The following SOBP variants were observed in gnomAD, a reference collection of about 807,000 sequenced individuals.
SOBP encodes the protein sine oculis binding protein homolog.
Under a neutral mutation model 53.6 loss-of-function variants are expected in SOBP, and 4 were observed. That is an observed-to-expected ratio of 0.07 (90% CI 0.04 to 0.17). The LOEUF (loss-of-function observed/expected upper bound fraction) is 0.17. Ranked by LOEUF, SOBP falls within the 10% of genes least tolerant of loss-of-function variation. SOBP has a pLI of 1.00. For synonymous variants in SOBP, 584 were observed against 522.6 expected, an observed-to-expected ratio of 1.12 and a Z score of -1.60; for missense variants, 1,088 against 1,204.7, an observed-to-expected ratio of 0.90 and a Z score of 1.43.
chr6:107,600,482 A>G (rs550972563), intron 5 of SOBP, among the ~76,000 whole-genome samples: 24 of 152,292 alleles, frequency 1.6e-4, no homozygotes, highest in African/African-American at 5.8e-4. Flanking sequence ...ATGCAAAGTT[A>G]TGTTTAGATT....
chr6:107,660,356 C>T lies in SOBP; in HGVS notation c.*2153C>T, dbSNP rs113144986. Among the ~76,000 whole-genome samples the T allele has an allele frequency of 4.7e-3, 710 of 152,302 alleles. 6 individuals are homozygous for T. The highest frequency in any genetic ancestry group is 0.017 in the African/African-American group (693 of 41,554). Reference sequence around the variant, plus strand: ...CTTGTCTGCAGACAAGAGCCCACTCCGTCCGTTCCAGGGCCTGCTTCCTAA... The same window carrying T: ...CTTGTCTGCAGACAAGAGCCCACTCTGTCCGTTCCAGGGCCTGCTTCCTAA... On this transcript the variant is annotated 3_prime_UTR_variant, in exon 7 of 7. Transcript: ENST00000317357.
intron 4 of SOBP, among the ~76,000 whole-genome samples, chr6:107,555,359 C>A (rs993958909): frequency 1.3e-5 from 2 of 152,144 alleles, no homozygotes; most frequent in Non-Finnish European, 2.9e-5. Flanking sequence ...TTCCACTGTC[C>A]CTTTATTGCA....
intron 3 of SOBP, among the ~76,000 whole-genome samples, chr6:107,508,562 G>C (rs112970532): frequency 0.023 from 3,460 of 152,002 alleles, 151 homozygotes; most frequent in African/African-American, 0.079. Context: ...CTGGGTGACA[G>C]AGTGAGACTC....
At chr6:107,579,489 C>T (rs1455636283) in intron 4 of SOBP, among the ~76,000 whole-genome samples, 1 of 152,186 alleles carries the variant, frequency 6.6e-6, no homozygotes, top group East Asian at 1.9e-4. Context: ...TCTGATTATT[C>T]CAGACACAGT....
chr6:107,537,842 G>A (rs994546002), intron 4 of SOBP, among the ~76,000 whole-genome samples: 3 of 149,012 alleles, frequency 2.0e-5, no homozygotes, highest in African/African-American at 2.5e-5. Flanking sequence ...AAAAAAGATC[G>A]AAATACTTCT....
chr6:107,558,511 G>T (rs538156410), intron 4 of SOBP, among the ~76,000 whole-genome samples: 1 of 151,718 alleles, frequency 6.6e-6, no homozygotes, highest in East Asian at 1.9e-4. Context: ...CTCGTGATCC[G>T]CCCGCCTCGG....
At chr6:107,502,772 T>G (rs992910578) in intron 1 of SOBP, among the ~76,000 whole-genome samples, 1 of 152,020 alleles carries the variant, frequency 6.6e-6, no homozygotes, top group South Asian at 2.1e-4. Flanking sequence ...TAAAAAAAAA[T>G]TTTTTTGAGA....
intron 1 of SOBP, among the ~76,000 whole-genome samples, chr6:107,502,380 G>A (rs776977474): frequency 3.4e-4 from 51 of 152,138 alleles, no homozygotes; most frequent in Non-Finnish European, 5.6e-4. Context: ...GGTTCCCTGC[G>A]AGACAGGAAT....
chr6:107,599,642 T>C lies in SOBP; in HGVS notation c.669+12467T>C, dbSNP rs571676267. ...AAAAAAAGGTTGCTAGCTCCCAAAT[T>C]AAATTTCTTAAAATCCTACATTTCT... is the stretch of plus-strand genomic sequence containing the variant. On this transcript the variant is annotated intron_variant, in intron 5 of 6. Transcript: ENST00000317357. 8.0e-5 allele frequency among the ~76,000 whole-genome samples: 12 copies of C among 150,664 alleles called. No homozygotes were observed. The East Asian group carries it at 2.2e-3, about 27-fold the overall frequency.
intron 4 of SOBP, among the ~76,000 whole-genome samples, chr6:107,534,340 A>G (rs1284388860): frequency 6.6e-6 from 1 of 152,242 alleles, no homozygotes; most frequent in African/African-American, 2.4e-5. Context: ...TCACACGCAC[A>G]TGCACACAAC....
At chr6:107,569,136 A>G (rs1784999183) in intron 4 of SOBP, among the ~76,000 whole-genome samples, 1 of 152,178 alleles carries the variant, frequency 6.6e-6, no homozygotes, top group South Asian at 2.1e-4. Flanking sequence ...ATATACAGGG[A>G]GTTCTGAATC....
chr6:107,523,028 G>C (rs1357281278), intron 3 of SOBP, among the ~76,000 whole-genome samples: 1 of 152,192 alleles, frequency 6.6e-6, no homozygotes, highest in South Asian at 2.1e-4. Flanking sequence ...AGAGGGTTGT[G>C]TATGCAGCTT....
chr6:107,519,145 A>G (rs1324065971), intron 3 of SOBP, among the ~76,000 whole-genome samples: 2 of 148,564 alleles, frequency 1.3e-5, no homozygotes, highest in Admixed American at 1.4e-4. Flanking sequence ...CAAAAGTAGA[A>G]TATACAATAT....
At position 107,574,166 on chromosome 6, in the gene SOBP, G is replaced by A. The variant is rs115470614; in HGVS notation, c.574-12914G>A. ...GTCAAAACATTTTTTTAACTCAAAGGCAAAAGTCTTTCATCCCTTAAGACA... is the reference window on the plus strand; with the variant it reads ...GTCAAAACATTTTTTTAACTCAAAGACAAAAGTCTTTCATCCCTTAAGACA... On this transcript the variant is annotated intron_variant, in intron 4 of 6. Transcript: ENST00000317357. Among the ~76,000 whole-genome samples, 166 of 152,226 alleles carry A rather than the reference G, an allele frequency of 1.1e-3. 1 individual carries two copies. Among genetic ancestry groups the A allele is most frequent in the African/African-American group, 3.9e-3 (161 of 41,518 alleles).
At chr6:107,528,647 C>G (rs1783734284) in intron 3 of SOBP, among the ~76,000 whole-genome samples, 1 of 152,214 alleles carries the variant, frequency 6.6e-6, no homozygotes, top group Non-Finnish European at 1.5e-5. Flanking sequence ...GCTGTCTCCT[C>G]AAAGACATTT....
chr6:107,507,789 TTTTTC>T lies in SOBP; in HGVS notation c.421+1377_421+1381del, dbSNP rs776327305. On this transcript the variant is annotated intron_variant, in intron 3 of 6. Transcript: ENST00000317357. ...TCCTGGAAAGCTCTCTTTGAGAGCT[TTTTTC>T]TTTTCTTTTCTTTTTTTAATGGAGA... Among the ~76,000 whole-genome samples the T allele has an allele frequency of 3.9e-5, 6 of 152,056 alleles. No individual in the cohort carries two copies. In the East Asian group the frequency reaches 7.7e-4, roughly 20 times the overall value.
intron 4 of SOBP, among the ~76,000 whole-genome samples, chr6:107,552,442 TG>T (rs1475928095): frequency 6.6e-6 from 1 of 152,106 alleles, no homozygotes; most frequent in Non-Finnish European, 1.5e-5. Context: ...GGTGAGTTGT[TG>T]GGGAGGACCA....
At chr6:107,528,238 C>T (rs1583175773) in intron 3 of SOBP, among the ~76,000 whole-genome samples, 1 of 152,120 alleles carries the variant, frequency 6.6e-6, no homozygotes, top group Non-Finnish European at 1.5e-5. Flanking sequence ...AAGAAATGAC[C>T]TTCTAGTGGT....
At chr6:107,551,975 C>T (rs568588971) in intron 4 of SOBP, among the ~76,000 whole-genome samples, 3 of 152,192 alleles carry the variant, frequency 2.0e-5, no homozygotes, top group Non-Finnish European at 4.4e-5. Flanking sequence ...GAGCTGAGAT[C>T]GCACCACTGC....
Sources: gnomAD v4.1 joint callset for allele counts (sites outside exome capture counted in the v4.1 genomes callset) on GRCh38, gnomAD v4.1.1 for gene constraint, MANE v1.5 for transcripts, NCBI Gene and HGNC (gene_info 2026-07-23, HGNC 2026-07-21) for gene names.